Variants in CES5A observed in about 807,000 individuals in gnomAD.
CES5A encodes the protein carboxylesterase 5A.
In CES5A, 67 loss-of-function variants were observed where a neutral mutation model predicts 62.9. That is an observed-to-expected ratio of 1.07 (90% CI 0.88 to 1.31). CES5A has a LOEUF of 1.31. Among genes scored for constraint, CES5A ranks in the 50% most tolerant of loss-of-function variants. The probability of loss-of-function intolerance (pLI) is 0.00; values close to 1 mark genes in which losing one functional copy is unlikely to be tolerated. For synonymous variants in CES5A, 296 were observed against 280.8 expected (o/e 1.05, Z -0.54); for missense variants, 748 against 708.5 (o/e 1.06, Z -0.63).
At chr16:55,886,235 C>G (rs546891700) in intron 1 of CES5A, among the ~76,000 whole-genome samples, 1 of 152,308 alleles carries the variant, frequency 6.6e-6, no homozygotes, top group African/African-American at 2.4e-5. Flanking sequence ...TAAATAGTCA[C>G]AAAAGTGAGC....
intron 1 of CES5A, among the ~76,000 whole-genome samples, chr16:55,884,461 C>T (rs1459241694): frequency 1.3e-5 from 2 of 152,192 alleles, no homozygotes; most frequent in Admixed American, 6.5e-5. Context: ...GTGCCACTAC[C>T]CAGCCTCAGG....
upstream of CES5A, among the ~76,000 whole-genome samples, chr16:55,930,024 A>G (rs2034293559): frequency 6.6e-6 from 1 of 152,078 alleles, no homozygotes; most frequent in African/African-American, 2.4e-5. Flanking sequence ...TATGTCCTCT[A>G]GGTCTTCGTG....
chr16:55,857,459 T>TG (rs1374895462), intron 8 of CES5A, among the ~76,000 whole-genome samples: 1 of 152,178 alleles, frequency 6.6e-6, no homozygotes, highest in East Asian at 1.9e-4. Context: ...CTGAAAATCT[T>TG]GGGGTAATGA....
chr16:55,850,381 T>C (rs1315561792), intron 10 of CES5A, among the ~76,000 whole-genome samples: 1 of 152,202 alleles, frequency 6.6e-6, no homozygotes, highest in South Asian at 2.1e-4. Flanking sequence ...ACACTCCCCA[T>C]TGGCCCCACT....
intron 1 of CES5A, chr16:55,955,806 T>C (rs1323820977): frequency 6.5e-7 from 1 of 1,533,020 alleles, no homozygotes; most frequent in African/African-American, 1.4e-5. Flanking sequence ...GGTTTGGGGG[T>C]GGGGTCCAGG....
At chr16:55,951,447 G>T (rs557420070) in intron 1 of CES5A, among the ~76,000 whole-genome samples, 8 of 152,074 alleles carry the variant, frequency 5.3e-5, no homozygotes, top group Non-Finnish European at 1.0e-4. Flanking sequence ...TAAAAAATAG[G>T]TTGAATAATT....
At position 55,863,434 on chromosome 16, in the gene CES5A, TG is replaced by T. The variant is rs773733090; in HGVS notation, c.723del (p.Gly243AlafsTer47). On this transcript the variant is annotated frameshift_variant, in exon 6 of 13. Coordinates refer to ENST00000290567, the MANE Select transcript of CES5A (RefSeq NM_001143685.2). LOFTEE classifies it high-confidence loss of function. ...ATGATGGCTTTGTGGAATAAGCCTT[TG>T]GCCATGGGAGACAGTATCTGGAGAG... Reference protein sequence around the residue: ...SVSSLILSPMAKGLFHKAIME... With the variant: ...SVSSLILSPMXKGLFHKAIME... The T allele has an allele frequency of 5.6e-6, 9 of 1,597,062 alleles. No individual in the cohort carries two copies. The South Asian group carries it at 9.9e-5, about 18-fold the overall frequency.
chr16:55,885,277 C>T (rs1314839685), intron 1 of CES5A, among the ~76,000 whole-genome samples: 1 of 152,178 alleles, frequency 6.6e-6, no homozygotes, highest in African/African-American at 2.4e-5. Context: ...TCGTCAATCA[C>T]CCAAGATGAT....
rs1491080809 is a variant in CES5A at position 55,894,514 on chromosome 16, AAG to A, written c.-255-20479_-255-20478del. ...ACTCTGTCTCAAAAAAAAAAAAAAA[AAG>A]AAAAGAAAAGAAAAGAAATAATAAA... On this transcript the variant is annotated intron_variant, in intron 1 of 12. Coordinates refer to the CES5A transcript ENST00000518005. Among the ~76,000 whole-genome samples, 7 of 123,140 alleles carry A rather than the reference AAG, an allele frequency of 5.7e-5. No individual in the cohort carries two copies. In the South Asian group the frequency reaches 1.6e-3, roughly 27 times the overall value. 80.8% of individuals were successfully genotyped at this position (123,140 alleles called of 152,430 possible).
At chr16:55,882,535 T>C (rs1194122510) in intron 1 of CES5A, among the ~76,000 whole-genome samples, 2 of 152,192 alleles carry the variant, frequency 1.3e-5, no homozygotes, top group Non-Finnish European at 2.9e-5. Flanking sequence ...CAGGACTGAT[T>C]GATCCACAGC....
chr16:55,898,642 C>T (rs1427256496), intron 1 of CES5A, among the ~76,000 whole-genome samples: 1 of 152,194 alleles, frequency 6.6e-6, no homozygotes, highest in African/African-American at 2.4e-5. Flanking sequence ...AAAGTCTCAT[C>T]TCCAATTACG....
At chr16:55,923,652 C>G (rs1163572430) in intron 1 of CES5A, among the ~76,000 whole-genome samples, 1 of 151,806 alleles carries the variant, frequency 6.6e-6, no homozygotes, top group Non-Finnish European at 1.5e-5. Flanking sequence ...AGGACACTTC[C>G]AAACTCATTC....
At chr16:55,876,331 G>T (rs1009533877), upstream of CES5A, among the ~76,000 whole-genome samples, 7 of 152,100 alleles carry the variant, frequency 4.6e-5, no homozygotes, top group Non-Finnish European at 1.0e-4. Flanking sequence ...CAATAAGAAA[G>T]AGCTTTTGGG....
intron 2 of CES5A, among the ~76,000 whole-genome samples, chr16:55,936,982 A>C (rs533541170): frequency 6.6e-6 from 1 of 152,336 alleles, no homozygotes; most frequent in South Asian, 2.1e-4. Flanking sequence ...AGGCACACAG[A>C]TGTTAAGTAC....
chr16:55,903,882 G>A (rs937733034), intron 1 of CES5A, among the ~76,000 whole-genome samples: 1 of 152,214 alleles, frequency 6.6e-6, no homozygotes, highest in Non-Finnish European at 1.5e-5. Context: ...ACAAAGCCCT[G>A]TGTTGTAAGG....
intron 1 of CES5A, among the ~76,000 whole-genome samples, chr16:55,918,378 T>G (rs1257322515): frequency 6.6e-6 from 1 of 152,178 alleles, no homozygotes; most frequent in Non-Finnish European, 1.5e-5. Context: ...CATTCCATAA[T>G]AATCATAATG....
intron 1 of CES5A, among the ~76,000 whole-genome samples, chr16:55,912,256 C>T (rs1311624068): frequency 6.6e-6 from 1 of 152,236 alleles, no homozygotes; most frequent in Admixed American, 6.5e-5. Flanking sequence ...GATGGTGGCA[C>T]TGAGTGCATG....
intron 1 of CES5A, among the ~76,000 whole-genome samples, chr16:55,874,490 T>C (rs1259168871): frequency 6.6e-6 from 1 of 152,016 alleles, no homozygotes; most frequent in Non-Finnish European, 1.5e-5. Flanking sequence ...TTTTTTTTTT[T>C]CTTAAAATTT....
intron 6 of CES5A, among the ~76,000 whole-genome samples, chr16:55,862,925 C>T (rs2033382082): frequency 6.6e-6 from 1 of 152,104 alleles, no homozygotes; most frequent in South Asian, 2.1e-4. Flanking sequence ...CCTTATAATC[C>T]CATGCCAGAC....
Sources: gnomAD v4.1 joint callset for allele counts (sites outside exome capture counted in the v4.1 genomes callset) on GRCh38, gnomAD v4.1.1 for gene constraint, MANE v1.5 for transcripts, NCBI Gene and HGNC (gene_info 2026-07-23, HGNC 2026-07-21) for gene names.